Variants in CCDC180 observed in about 807,000 individuals in gnomAD.
The protein encoded by CCDC180 is coiled-coil domain containing 180.
CCDC180 carries 154 observed loss-of-function variants against 209.2 expected under a neutral mutation model. That is an observed-to-expected ratio of 0.74 (90% CI 0.65 to 0.84). The LOEUF is 0.84. CCDC180 is among the 40% of genes least tolerant of loss of function. CCDC180 has a pLI of 0.00. For synonymous variants in CCDC180, 778 were observed against 749.1 expected, an observed-to-expected ratio of 1.04 and a Z score of -0.63; for missense variants, 1,874 against 1,997.3, an observed-to-expected ratio of 0.94 and a Z score of 1.18.
At chr9:97,340,501 A>T (rs918342302) in intron 18 of CCDC180, among the ~76,000 whole-genome samples, 1 of 152,238 alleles carries the variant, frequency 6.6e-6, no homozygotes, top group Admixed American at 6.5e-5. Flanking sequence ...GAATATCATT[A>T]ATCATTAGTT....
intron 11 of CCDC180, 113 bp downstream of exon 11, chr9:97,320,318 G>C (rs992287874): frequency 2.9e-5 from 29 of 1,001,504 alleles, no homozygotes; most frequent in Non-Finnish European, 1.6e-6. Flanking sequence ...GAGGGATGGG[G>C]GTGTGGCAGG....
chr9:97,352,929 A>G (rs1826460823), intron 22 of CCDC180, among the ~76,000 whole-genome samples: 1 of 150,104 alleles, frequency 6.7e-6, no homozygotes, highest in Non-Finnish European at 1.5e-5. Flanking sequence ...ATTTGTAGAT[A>G]TATACATATA....
intron 14 of CCDC180, among the ~76,000 whole-genome samples, chr9:97,325,424 A>G (rs1833500204): frequency 6.6e-6 from 1 of 152,234 alleles, no homozygotes; most frequent in African/African-American, 2.4e-5. Flanking sequence ...AGACGATTAA[A>G]GGATGGTATC....
chr9:97,336,625 A>C (rs1397090214), intron 18 of CCDC180, among the ~76,000 whole-genome samples: 1 of 152,218 alleles, frequency 6.6e-6, no homozygotes, highest in Admixed American at 6.5e-5. Flanking sequence ...CTTTTTGCTT[A>C]GGATTGTCTT....
At chr9:97,317,425 C>T (rs534219461) in intron 9 of CCDC180, among the ~76,000 whole-genome samples, 197 bp downstream of exon 9, 2 of 152,320 alleles carry the variant, frequency 1.3e-5, no homozygotes, top group East Asian at 3.9e-4. Flanking sequence ...GTGAGAAGCA[C>T]AGCAAATATT....
In CCDC180 at chr9:97,375,548, G is replaced by C. The variant is rs776667757; in HGVS notation, c.4801G>C (p.Gly1601Arg). 1.9e-5 allele frequency: 30 copies of C among 1,614,050 alleles called. No individual in the cohort carries two copies. Among genetic ancestry groups the C allele is most frequent in the Non-Finnish European group, 2.5e-5 (30 of 1,180,042 alleles). ...GATTTCCACCACCAAAACCACCCTGGGCCACCTGGCGGCCGTGGAAGCCCG... is the reference window on the plus strand; with the variant it reads ...GATTTCCACCACCAAAACCACCCTGCGCCACCTGGCGGCCGTGGAAGCCCG... ...SSISTTKTTL[G>R]HLAAVEARDA... The change falls in exon 36 of 37, where the codon GGC becomes CGC. Residue 1601 changes from glycine to arginine, a missense_variant. Physicochemically the swap from Gly to Arg is moderately radical, Grantham distance 125 (BLOSUM62 -2). Coordinates refer to ENST00000529487, the MANE Select transcript of CCDC180 (RefSeq NM_020893.6).
At chr9:97,342,200 C>T (rs1034354667) in intron 18 of CCDC180, among the ~76,000 whole-genome samples, 1 of 152,248 alleles carries the variant, frequency 6.6e-6, no homozygotes, top group Non-Finnish European at 1.5e-5. Context: ...CAACTAGTCC[C>T]AATGAGGTGA....
intron 13 of CCDC180, among the ~76,000 whole-genome samples, chr9:97,324,730 G>A (rs1833471990): frequency 6.6e-6 from 1 of 152,224 alleles, no homozygotes; most frequent in Non-Finnish European, 1.5e-5. Flanking sequence ...TTTAGGAATG[G>A]CCCAAACTCC....
Position 97,309,599 on chromosome 9 carries a change from C to T in CCDC180, c.255C>T (p.Leu85=), listed in dbSNP as rs759671250. The change falls in exon 3 of 37, where the codon CTC becomes CTT. Residue 85 remains leucine, a synonymous_variant. Transcript: ENST00000529487. ...PNDWIMENPV[L]HREKERAKRE... is the part of the protein sequence containing the mutation. The stretch of plus-strand genomic sequence containing the variant: ...ACTGGATCATGGAAAACCCTGTTCT[C>T]CACAGGTAGGTCCTGTTGTCCATGC... 8 of 1,578,670 alleles carry T rather than the reference C, an allele frequency of 5.1e-6. No homozygotes were observed. The East Asian group carries it at 1.9e-4, about 37-fold the overall frequency.
At position 97,339,813 on chromosome 9, in the gene CCDC180, G is replaced by C. The variant is rs565624270; in HGVS notation, c.2275-3527G>C. Among the ~76,000 whole-genome samples, 11 of 152,238 alleles carry C rather than the reference G, an allele frequency of 7.2e-5. No individual in the cohort carries two copies. The East Asian group carries it at 1.9e-3, about 27-fold the overall frequency. On this transcript the variant is annotated intron_variant, in intron 18 of 36. Coordinates refer to ENST00000529487, the MANE Select transcript of CCDC180 (RefSeq NM_020893.6). Reference sequence around the variant, plus strand: ...GGTACACCAGTCAAACATTGACTTGGTCTTTTCACATAGACCCATATTTCT... The same window carrying C: ...GGTACACCAGTCAAACATTGACTTGCTCTTTTCACATAGACCCATATTTCT...
chr9:97,329,746 A>G (rs1825671066), intron 16 of CCDC180, among the ~76,000 whole-genome samples: 1 of 152,116 alleles, frequency 6.6e-6, no homozygotes, highest in Non-Finnish European at 1.5e-5. Flanking sequence ...TCAGATATTA[A>G]AGGGGAGGGA....
intron 18 of CCDC180, among the ~76,000 whole-genome samples, chr9:97,337,150 T>C (rs1825932222): frequency 6.6e-6 from 1 of 152,212 alleles, no homozygotes; most frequent in Admixed American, 6.5e-5. Context: ...TTGAATACCC[T>C]TTATTTCTTT....
At chr9:97,359,936 C>A (rs1361999141) in intron 25 of CCDC180, 46 bp from the exon 26 acceptor site, 1 of 1,608,548 alleles carries the variant, frequency 6.2e-7, no homozygotes, top group Non-Finnish European at 8.5e-7. Flanking sequence ...ACCCACCCTC[C>A]TGCAGTCTGC....
intron 4 of CCDC180, among the ~76,000 whole-genome samples, chr9:97,312,741 G>A (rs901848562): frequency 1.1e-4 from 16 of 151,402 alleles, no homozygotes; most frequent in Admixed American, 3.9e-4. Flanking sequence ...TGGATAAAGG[G>A]GACAGCAGAG....
chr9:97,333,966 G>A (rs1825827745), intron 18 of CCDC180, among the ~76,000 whole-genome samples: 1 of 151,718 alleles, frequency 6.6e-6, no homozygotes, highest in East Asian at 1.9e-4. Context: ...AACTACAGGT[G>A]TGTACTACCA....
intron 11 of CCDC180, among the ~76,000 whole-genome samples, chr9:97,320,445 A>G (rs778907942): frequency 3.9e-5 from 6 of 152,246 alleles, no homozygotes; most frequent in Middle Eastern, 3.4e-3. Flanking sequence ...TGACCCAAGC[A>G]TGGAGACAGA....
rs144620373 is a variant in CCDC180 at position 97,360,326 on chromosome 9, C to G, written c.3483+225C>G. 6.5e-3 allele frequency among the ~76,000 whole-genome samples: 983 copies of G among 152,232 alleles called. 2 individuals are homozygous for G. Among genetic ancestry groups the G allele is most frequent in the Non-Finnish European group, 9.0e-3 (609 of 68,002 alleles). ...TGCATTGGTCTCAGAGGAGACCCCT[C>G]AGCTCCTGGCACTACCTCACCTGCT... On this transcript the variant is annotated intron_variant, in intron 26 of 36. Transcript: ENST00000529487.
At position 97,360,046 on chromosome 9, in the gene CCDC180, T is replaced by C. The variant is rs1314636415; in HGVS notation, c.3428T>C (p.Ile1143Thr). Reference protein sequence around the residue: ...QTWKEKLSQRIQYLNCSLDRV... With the variant: ...QTWKEKLSQRTQYLNCSLDRV... ...TGGAAGGAAAAACTGAGCCAGAGGA[T>C]TCAGTACCTTAACTGCAGCCTGGAC... The change falls in exon 26 of 37, where the codon ATT (isoleucine) becomes ACT (threonine). Residue 1143 changes from isoleucine to threonine, a missense_variant. Ile to Thr is a moderately conservative substitution (Grantham distance 89, BLOSUM62 -1). Transcript: ENST00000529487. 1.2e-6 allele frequency: 2 copies of C among 1,613,914 alleles called. No individual in the cohort carries two copies. Among genetic ancestry groups the C allele is most frequent in the South Asian group, 2.2e-5 (2 of 91,074 alleles).
At position 97,375,463 on chromosome 9, in the gene CCDC180, A is replaced by G; in HGVS notation, c.4716A>G (p.Pro1572=). The change falls in exon 36 of 37, where the codon CCA becomes CCG. Residue 1572 remains proline, a synonymous_variant. Coordinates refer to ENST00000529487, the MANE Select transcript of CCDC180 (RefSeq NM_020893.6). ...ACATGTTTGTTTGTAGGAAGTGGCCAGGGATCAAACCCACCGAAGTCACCA... is the reference window on the plus strand; with the variant it reads ...ACATGTTTGTTTGTAGGAAGTGGCCGGGGATCAAACCCACCGAAGTCACCA... ...PLIERGSRKW[P]GIKPTEVTIQ... is the part of the protein sequence containing the mutation. 1 of 1,614,248 alleles carries G rather than the reference A, an allele frequency of 6.2e-7. No homozygotes were observed. The highest frequency in any genetic ancestry group is 8.5e-7 in the Non-Finnish European group (1 of 1,180,044).
Sources: allele counts gnomAD v4.1 joint callset (sites outside exome capture counted in the v4.1 genomes callset), GRCh38; gene constraint gnomAD v4.1.1; transcripts MANE v1.5; gene names NCBI Gene and HGNC (gene_info 2026-07-23, HGNC 2026-07-21).